Variants in BICC1 observed in about 807,000 individuals in gnomAD.
The protein encoded by BICC1 is protein bicaudal C homolog 1.
A neutral mutation model predicts 111.0 loss-of-function variants in BICC1; 43 were observed. That is an observed-to-expected ratio of 0.39 (90% CI 0.30 to 0.50). The LOEUF is 0.50. BICC1 is among the 20% of genes least tolerant of loss of function. BICC1 has a pLI of 0.88. For synonymous variants in BICC1, 467 were observed against 434.4 expected, an observed-to-expected ratio of 1.07 and a Z score of -0.93; for missense variants, 1,091 against 1,203.2, an observed-to-expected ratio of 0.91 and a Z score of 1.38.
At position 58,653,688 on chromosome 10, in the gene BICC1, T is replaced by A. The variant is rs560428363; in HGVS notation, c.237+32787T>A. ...ACAAGTATTGTTCTTTCTTTTTTTT[T>A]TTATTATTATGCTTTAAGTTTTAGG... On this transcript the variant is annotated intron_variant, in intron 2 of 20. Transcript: ENST00000373886. Among the ~76,000 whole-genome samples the A allele has an allele frequency of 5.2e-3, 785 of 152,082 alleles. 2 individuals carry two copies. The highest frequency in any genetic ancestry group is 0.018 in the African/African-American group (730 of 41,504).
At chr10:58,677,844 A>C (rs1839392684) in intron 2 of BICC1, among the ~76,000 whole-genome samples, 1 of 152,208 alleles carries the variant, frequency 6.6e-6, no homozygotes, top group Non-Finnish European at 1.5e-5. Flanking sequence ...CTAACAGCAA[A>C]TCTCTCTGCT....
intron 1 of BICC1, among the ~76,000 whole-genome samples, chr10:58,616,280 A>G (rs942022069): frequency 2.6e-4 from 39 of 152,220 alleles, no homozygotes; most frequent in African/African-American, 8.9e-4. Context: ...ACTGGAGAAC[A>G]GGGGGCCCCA....
At chr10:58,785,561 C>G (rs1056148754) in intron 4 of BICC1, among the ~76,000 whole-genome samples, 1 of 151,814 alleles carries the variant, frequency 6.6e-6, no homozygotes, top group African/African-American at 2.4e-5. Context: ...CGTGATGTCT[C>G]TCTCTCTCTC....
chr10:58,676,882 C>G (rs1839361269), intron 2 of BICC1, among the ~76,000 whole-genome samples: 1 of 152,190 alleles, frequency 6.6e-6, no homozygotes, highest in South Asian at 2.1e-4. Flanking sequence ...GTTCTGCAGC[C>G]TCCGCTGGTG....
At chr10:58,672,617 A>G (rs1839217395) in intron 2 of BICC1, among the ~76,000 whole-genome samples, 1 of 152,176 alleles carries the variant, frequency 6.6e-6, no homozygotes. Flanking sequence ...GGTGTTTGAC[A>G]GTTTGTTTCC....
intron 1 of BICC1, among the ~76,000 whole-genome samples, chr10:58,517,950 T>G (rs1842285393): frequency 6.6e-6 from 1 of 151,834 alleles, no homozygotes; most frequent in South Asian, 2.1e-4. Context: ...AGTTTGGTCT[T>G]AAATTATCTT....
intron 1 of BICC1, among the ~76,000 whole-genome samples, chr10:58,554,535 A>G (rs1319636404): frequency 1.3e-5 from 2 of 152,102 alleles, no homozygotes; most frequent in East Asian, 3.9e-4. Flanking sequence ...TGAAGTTCCT[A>G]CTCTTTTTTG....
At chr10:58,719,115 T>C (rs1469857050) in intron 3 of BICC1, among the ~76,000 whole-genome samples, 1 of 152,202 alleles carries the variant, frequency 6.6e-6, no homozygotes, top group East Asian at 1.9e-4. Flanking sequence ...TATTTAATTT[T>C]TGGTATGGTT....
chr10:58,643,963 G>C (rs1162262143), intron 2 of BICC1, among the ~76,000 whole-genome samples: 1 of 152,134 alleles, frequency 6.6e-6, no homozygotes, highest in Admixed American at 6.5e-5. Flanking sequence ...TTATGTGTCA[G>C]TATAGGAAAT....
chr10:58,806,934 CTT>C (rs1332800326), intron 16 of BICC1, 68 bp from the exon 17 acceptor site: 5 of 1,387,652 alleles, frequency 3.6e-6, no homozygotes, highest in Non-Finnish European at 4.9e-6. Context: ...AGAAACGACA[CTT>C]ATCATCAGTA....
At chr10:58,663,167 C>T (rs752288843) in intron 2 of BICC1, among the ~76,000 whole-genome samples, 14 of 150,656 alleles carry the variant, frequency 9.3e-5, no homozygotes, top group Non-Finnish European at 1.8e-4. Context: ...CCTGGGTTGA[C>T]GCCATTCTCC....
intron 8 of BICC1, among the ~76,000 whole-genome samples, chr10:58,791,293 A>G (rs575407625): frequency 4.6e-5 from 7 of 152,300 alleles, no homozygotes; most frequent in Admixed American, 2.6e-4. Context: ...TATTCTCTAC[A>G]GTTATTAATG....
intron 1 of BICC1, among the ~76,000 whole-genome samples, chr10:58,521,768 GTTTT>G (rs573116230): frequency 2.2e-4 from 25 of 112,752 alleles, no homozygotes; most frequent in East Asian, 5.4e-4. Context: ...GGAATGTGGT[GTTTT>G]TTTTTTTTTT....
chr10:58,745,488 A>G (rs1841803285), intron 3 of BICC1, among the ~76,000 whole-genome samples: 1 of 152,050 alleles, frequency 6.6e-6, no homozygotes, highest in Non-Finnish European at 1.5e-5. Flanking sequence ...TTTGTAGGTC[A>G]GAATTCCAGC....
At chr10:58,515,099 C>G (rs998115986) in intron 1 of BICC1, among the ~76,000 whole-genome samples, 2 of 152,070 alleles carry the variant, frequency 1.3e-5, no homozygotes, top group Admixed American at 6.6e-5. Flanking sequence ...ATTTTCACTT[C>G]GAATAAAATG....
At position 58,602,560 on chromosome 10, in the gene BICC1, T is replaced by G. The variant is rs112971896; in HGVS notation, c.191-18295T>G. Among the ~76,000 whole-genome samples, 699 of 152,284 alleles carry G rather than the reference T, an allele frequency of 4.6e-3. 5 individuals are homozygous for G. Among genetic ancestry groups the G allele is most frequent in the African/African-American group, 0.014 (595 of 41,568 alleles). Reference sequence around the variant, plus strand: ...TTAGACCAGCTTTAACAAAAACAAATGATTCTTTTCAGAGATGAAAACTGA... The same window carrying G: ...TTAGACCAGCTTTAACAAAAACAAAGGATTCTTTTCAGAGATGAAAACTGA... On this transcript the variant is annotated intron_variant, in intron 1 of 20. Transcript: ENST00000373886.
At chr10:58,810,201 T>C (rs1015894143) in intron 17 of BICC1, among the ~76,000 whole-genome samples, 1 of 152,182 alleles carries the variant, frequency 6.6e-6, no homozygotes, top group African/African-American at 2.4e-5. Context: ...GACAGGTAGA[T>C]CACAGATCAC....
rs1427119688 is a variant in BICC1 at position 58,798,554 on chromosome 10, G to A, written c.1522G>A (p.Ala508Thr). Residue 508 changes from alanine (A) to threonine (T), a missense_variant, in exon 11 of 21, where the codon GCC (alanine) becomes ACC (threonine). This residue lies in a region of BICC1 where 843 missense variants were observed against 900.8 expected (regional missense o/e 0.94). Coordinates refer to ENST00000373886, the MANE Select transcript of BICC1 (RefSeq NM_001080512.3). ...ACCCCCACTTGCTAATACTTCAAGTGCCACAGGTCAGTATCATTTAAGTAT... is the reference window on the plus strand; with the variant it reads ...ACCCCCACTTGCTAATACTTCAAGTACCACAGGTCAGTATCATTTAAGTAT... ...WAPPLANTSS[A>T]TGFSAIPHLM... 11 of 1,604,482 alleles carry A rather than the reference G, an allele frequency of 6.9e-6. No homozygotes were observed. The highest frequency in any genetic ancestry group is 5.6e-5 in the South Asian group (5 of 89,308).
chr10:58,683,019 T>G (rs1839588463), intron 2 of BICC1, among the ~76,000 whole-genome samples: 1 of 152,260 alleles, frequency 6.6e-6, no homozygotes, highest in Non-Finnish European at 1.5e-5. Flanking sequence ...GTTTTAGGTC[T>G]AACAATTAAG....
Sources: gnomAD v4.1 joint callset for allele counts (sites outside exome capture counted in the v4.1 genomes callset) on GRCh38, gnomAD v4.1.1 for gene constraint, gnomAD v4.1.1 regional missense constraint, MANE v1.5 for transcripts, NCBI Gene and HGNC (gene_info 2026-07-23, HGNC 2026-07-21) for gene names.